Variants in MNAT1 observed in about 807,000 individuals in gnomAD.
MNAT1 encodes MNAT1 component of CDK activating kinase.
A neutral mutation model predicts 42.0 loss-of-function variants in MNAT1; 43 were observed. The observed-to-expected ratio is 1.02, with a 90% CI of 0.80 to 1.32. The LOEUF is 1.32. Among genes scored for constraint, MNAT1 ranks in the 40% most tolerant of loss-of-function variants. MNAT1 has a pLI of 0.00. For synonymous variants in MNAT1, 118 were observed against 120.0 expected (o/e 0.98, Z 0.11); for missense variants, 306 against 350.4 (o/e 0.87, Z 1.01).
intron 7 of MNAT1, among the ~76,000 whole-genome samples, chr14:60,928,068 C>CT (rs1213244612): frequency 6.6e-6 from 1 of 152,158 alleles, no homozygotes; most frequent in Admixed American, 6.6e-5. Context: ...CCACTTAGCT[C>CT]TTTTTTGTCT....
chr14:60,922,765 G>A (rs1024848121), intron 7 of MNAT1, among the ~76,000 whole-genome samples: 5 of 152,098 alleles, frequency 3.3e-5, no homozygotes, highest in Admixed American at 2.0e-4. Flanking sequence ...TTTCTCCATT[G>A]CCAAGGCCAC....
chr14:60,931,732 A>C (rs920658941), intron 7 of MNAT1, among the ~76,000 whole-genome samples: 3 of 151,992 alleles, frequency 2.0e-5, no homozygotes, highest in Non-Finnish European at 4.4e-5. Context: ...TACTTACTTT[A>C]ATGCATATAT....
intron 7 of MNAT1, among the ~76,000 whole-genome samples, chr14:60,941,965 C>T (rs1441220794): frequency 2.6e-5 from 3 of 114,574 alleles, no homozygotes; most frequent in African/African-American, 6.6e-5. Context: ...GATCGCACCA[C>T]TGTACTCCAG....
intron 1 of MNAT1, among the ~76,000 whole-genome samples, chr14:60,769,397 A>G (rs755831100): frequency 6.6e-6 from 1 of 151,874 alleles, no homozygotes; most frequent in Non-Finnish European, 1.5e-5. Context: ...TCAGCCTCCC[A>G]TGTAGCTGGG....
At chr14:60,738,501 G>T (rs1466502855) in intron 1 of MNAT1, among the ~76,000 whole-genome samples, 1 of 151,904 alleles carries the variant, frequency 6.6e-6, no homozygotes, top group Admixed American at 6.6e-5. Flanking sequence ...TGATCCAGCC[G>T]CCTCGATCCT....
intron 6 of MNAT1, among the ~76,000 whole-genome samples, chr14:60,863,286 T>C (rs1021445074): frequency 3.3e-5 from 5 of 152,148 alleles, no homozygotes; most frequent in Non-Finnish European, 5.9e-5. Flanking sequence ...CCTGGGGTTA[T>C]ATTTTATCTA....
intron 3 of MNAT1, among the ~76,000 whole-genome samples, chr14:60,798,431 T>G (rs1186102102): frequency 6.6e-6 from 1 of 152,200 alleles, no homozygotes; most frequent in Non-Finnish European, 1.5e-5. Context: ...TATGGGTACA[T>G]GCATCTGTGT....
chr14:60,765,309 G>A (rs2030770163), intron 1 of MNAT1, among the ~76,000 whole-genome samples: 1 of 152,094 alleles, frequency 6.6e-6, no homozygotes, highest in Non-Finnish European at 1.5e-5. Flanking sequence ...ACTCATAAGT[G>A]GGAGTTGAAT....
chr14:60,816,785 A>C (rs1594774992), intron 5 of MNAT1, among the ~76,000 whole-genome samples: 1 of 152,076 alleles, frequency 6.6e-6, no homozygotes, highest in African/African-American at 2.4e-5. Context: ...AACACTTAGT[A>C]AGGCTTCCAG....
chr14:60,749,391 A>AT (rs947496830), intron 1 of MNAT1, among the ~76,000 whole-genome samples: 1 of 152,152 alleles, frequency 6.6e-6, no homozygotes, highest in South Asian at 2.1e-4. Flanking sequence ...AATGGAATTA[A>AT]TTTTTTCTCA....
chr14:60,964,047 T>G (rs1454735909), intron 7 of MNAT1, among the ~76,000 whole-genome samples: 1 of 152,146 alleles, frequency 6.6e-6, no homozygotes. Flanking sequence ...AATATAGTGC[T>G]TTTAAAGGAA....
intron 6 of MNAT1, among the ~76,000 whole-genome samples, chr14:60,861,657 T>A (rs1181714632): frequency 6.6e-6 from 1 of 152,224 alleles, no homozygotes; most frequent in Non-Finnish European, 1.5e-5. Context: ...CAAGAAAATA[T>A]TCACCTGAAT....
At chr14:60,832,174 T>C (rs966086276) in intron 6 of MNAT1, among the ~76,000 whole-genome samples, 5 of 152,236 alleles carry the variant, frequency 3.3e-5, no homozygotes, top group Non-Finnish European at 5.9e-5. Context: ...GCAGAAGCTC[T>C]TTAGTTTGAT....
At chr14:60,898,521 G>C (rs1421703148) in intron 7 of MNAT1, among the ~76,000 whole-genome samples, 2 of 152,028 alleles carry the variant, frequency 1.3e-5, no homozygotes, top group African/African-American at 4.8e-5. Context: ...TAGTGATGTT[G>C]AGCATTTTTT....
intron 7 of MNAT1, among the ~76,000 whole-genome samples, chr14:60,907,757 G>C (rs1371471947): frequency 8.7e-6 from 1 of 115,502 alleles, no homozygotes; most frequent in African/African-American, 3.0e-5. Flanking sequence ...ACTCCAGCCT[G>C]GACAACAAGA....
Position 60,798,112 on chromosome 14 carries a change from C to T in MNAT1, c.268C>T (p.Pro90Ser), listed in dbSNP as rs2032079561. 2 of 1,507,594 alleles carry T rather than the reference C, an allele frequency of 1.3e-6. No homozygotes were observed. The highest frequency in any genetic ancestry group is 1.8e-6 in the Non-Finnish European group (2 of 1,089,494). 93.4% of individuals were successfully genotyped at this position (1,507,594 alleles called of 1,614,324 possible). ...ATACAATAAAAGGGAAGAAGATTTT[C>T]CTAGTCTAAGAGAATACAATGATTT... ...KIYNKREEDF[P>S]SLREYNDFLE... Residue 90 changes from proline to serine, a missense_variant, in exon 3 of 8, where the codon CCT becomes TCT. Pro to Ser is a moderately conservative substitution (Grantham distance 74, BLOSUM62 -1). Transcript: ENST00000261245.
chr14:60,853,559 C>G (rs1267772667), intron 6 of MNAT1, among the ~76,000 whole-genome samples: 1 of 152,088 alleles, frequency 6.6e-6, no homozygotes, highest in Non-Finnish European at 1.5e-5. Context: ...CCTGATTGTC[C>G]TGGCCAGAAC....
intron 5 of MNAT1, among the ~76,000 whole-genome samples, chr14:60,817,809 A>G (rs190644107): frequency 1.3e-3 from 193 of 152,112 alleles, no homozygotes; most frequent in Non-Finnish European, 2.1e-3. Flanking sequence ...TTATCCTGGT[A>G]TAGGAGATAA....
At chr14:60,911,456 C>T (rs890394863) in intron 7 of MNAT1, among the ~76,000 whole-genome samples, 3 of 152,094 alleles carry the variant, frequency 2.0e-5, no homozygotes, top group Non-Finnish European at 2.9e-5. Context: ...CTCTTGTGGG[C>T]ACTTAGTGCT....
Sources: gnomAD v4.1 joint callset for allele counts (sites outside exome capture counted in the v4.1 genomes callset) on GRCh38, gnomAD v4.1.1 for gene constraint, MANE v1.5 for transcripts, NCBI Gene and HGNC (gene_info 2026-07-23, HGNC 2026-07-21) for gene names.